MUC5AC: variants seen among roughly 807,000 people sequenced by gnomAD.
The protein encoded by MUC5AC is mucin 5AC, oligomeric mucus/gel-forming, also known as mucin-5AC.
Under a neutral mutation model 169.7 loss-of-function variants are expected in MUC5AC, and 158 were observed. That is an observed-to-expected ratio of 0.93 (90% CI 0.82 to 1.06). The LOEUF is 1.06. Ranked by LOEUF, MUC5AC falls within the 50% of genes least tolerant of loss-of-function variation. The pLI, the probability that MUC5AC is intolerant of heterozygous loss-of-function variation, is 0.00. For missense variants in MUC5AC, 4,359 were observed against 3,089.9 expected (o/e 1.41, Z -9.74); for synonymous variants, 1,975 against 1,237.0 (o/e 1.60, Z -12.52).
At position 1,193,643 on chromosome 11, in the gene MUC5AC, T is replaced by A. The variant is rs1366253733; in HGVS notation, c.14739T>A (p.His4913Gln). The A allele has an allele frequency of 1.3e-6, 1 of 764,918 alleles. No individual in the cohort carries two copies. Among genetic ancestry groups the A allele is most frequent in the South Asian group, 1.3e-5 (1 of 74,616 alleles). The allele number at this position is 764,918 out of a possible 1,614,324, so 47.4% of individuals were successfully genotyped here. ...TGGCTGACCAAGATGGCTGCTGCCATCACTACCAGTGCCAGTGTGAGTGGA... is the reference window on the plus strand; with the variant it reads ...TGGCTGACCAAGATGGCTGCTGCCAACACTACCAGTGCCAGTGTGAGTGGA... ...VKVADQDGCCHHYQCQCVCSG... is the reference protein window; with the variant it reads ...VKVADQDGCCQHYQCQCVCSG... Residue 4913 changes from histidine to glutamine, a missense_variant, in exon 33 of 49, where the codon CAT (histidine) becomes CAA (glutamine). His to Gln is a conservative substitution (Grantham distance 24, BLOSUM62 0). Coordinates refer to ENST00000621226, the MANE Select transcript of MUC5AC (RefSeq NM_001304359.2).
intron 2 of MUC5AC, among the ~76,000 whole-genome samples, chr11:1,161,234 T>C (rs1434942816): frequency 6.6e-6 from 1 of 152,196 alleles, no homozygotes; most frequent in African/African-American, 2.4e-5. Flanking sequence ...GAGCCGCTGA[T>C]GCAGACTCAG....
rs55884241 is a variant in MUC5AC at position 1,161,917 on chromosome 11, G to A, written c.222G>A (p.Pro74=). 5.0e-4 allele frequency: 804 copies of A among 1,611,502 alleles called. 8 individuals are homozygous for A. In the East Asian group the frequency reaches 0.015, roughly 29 times the overall value. The change falls in exon 4 of 49, where the codon CCG becomes CCA. Residue 74 remains proline, a synonymous_variant. Transcript: ENST00000621226. ...CTGCTTCCACCGCAGCCTCCAACCC[G>A]GCGCACAACGGGCGGGTGTGCAGCA... The part of the protein sequence containing the change: ...RTIPVVRASN[P]AHNGRVCSTW...
At position 1,161,563 on chromosome 11, in the gene MUC5AC, T is replaced by TGAG. The variant is rs531636684; in HGVS notation, c.191_193dup (p.Arg64dup). 6.8e-5 allele frequency: 110 copies of TGAG among 1,610,338 alleles called. 2 individuals are homozygous for TGAG. In the South Asian group the frequency reaches 1.1e-3, roughly 16 times the overall value. On this transcript the variant is annotated inframe_insertion, in exon 3 of 49. Transcript: ENST00000621226. ...CGTGGGGCGACTGTCTTCCCATCTC[T>TGAG]GAGGACCATCCCTGTGGTACGAGGT...
chr11:1,199,162 AAG>A lies in MUC5AC; in HGVS notation c.16375_16376del (p.Ser5459ProfsTer24). ...GGTCGCCTGTGTCACCAACACCAGC[AAG>A]AGCCCCGCCCACCTCTTCTACGTGA... ...VQVACVTNTS[K>X]SPAHLFYPGE... On this transcript the variant is annotated frameshift_variant, in exon 45 of 49. Coordinates refer to ENST00000621226, the MANE Select transcript of MUC5AC (RefSeq NM_001304359.2). LOFTEE classifies it high-confidence loss of function. 1 of 764,094 alleles carries A rather than the reference AAG, an allele frequency of 1.3e-6. No homozygotes were observed. The highest frequency in any genetic ancestry group is 1.3e-5 in the South Asian group (1 of 74,438). The allele number at this position is 764,094 out of a possible 1,614,324, so 47.3% of individuals were successfully genotyped here. A position where few individuals can be genotyped will look rare whatever the true frequency, so the allele number is the denominator to read the frequency against.
Position 1,187,104 on chromosome 11 carries a change from A to G in MUC5AC, c.8959A>G (p.Ser2987Gly). 2.7e-6 allele frequency: 2 copies of G among 733,082 alleles called. No homozygotes were observed. Among genetic ancestry groups the G allele is most frequent in the Non-Finnish European group, 5.0e-6 (2 of 402,450 alleles). The allele number at this position is 733,082 out of a possible 1,614,324, so 45.4% of individuals were successfully genotyped here. A position where few individuals can be genotyped will look rare whatever the true frequency, so the allele number is the denominator to read the frequency against. Residue 2987 changes from serine to glycine, a missense_variant, in exon 31 of 49, where the codon AGC becomes GGC. By Grantham distance (56) the Ser-to-Gly change is moderately conservative. Transcript: ENST00000621226. ...GTTPSPVPTT[S>G]TTSAPTTSTT... Reference sequence around the variant, plus strand: ...TACTCCCAGCCCTGTTCCCACCACCAGCACAACCTCTGCTCCCACAACAAG... The same window carrying G: ...TACTCCCAGCCCTGTTCCCACCACCGGCACAACCTCTGCTCCCACAACAAG...
chr11:1,175,432 G>C (rs1043003302), intron 19 of MUC5AC, among the ~76,000 whole-genome samples, 162 bp downstream of exon 19: 7 of 46,862 alleles, frequency 1.5e-4, no homozygotes, highest in Non-Finnish European at 2.0e-4. Flanking sequence ...AGGCAGCAAG[G>C]GGGAAGAAGG....
Position 1,164,231 on chromosome 11 carries a change from C to T in MUC5AC, c.915C>T (p.Ser305=). 5.6e-6 allele frequency: 9 copies of T among 1,612,672 alleles called. No individual in the cohort carries two copies. Among genetic ancestry groups the T allele is most frequent in the Non-Finnish European group, 7.6e-6 (9 of 1,179,874 alleles). The part of the protein sequence containing the change: ...LCFCEDTDLL[S]CVCHTLAEYS... ...TCTGTGAAGACACCGACCTGCTCAG[C>T]TGCGTCTGCCACACCCTTGCCGAGT... The change falls in exon 8 of 49, where the codon AGC becomes AGT. Residue 305 remains serine (S), a synonymous_variant. Coordinates refer to ENST00000621226, the MANE Select transcript of MUC5AC (RefSeq NM_001304359.2).
rs1012621074 is a variant in MUC5AC at position 1,194,751 on chromosome 11, G to A, written c.15190+81G>A. 48 of 660,068 alleles carry A rather than the reference G, an allele frequency of 7.3e-5. 2 individuals are homozygous for A. The highest frequency in any genetic ancestry group is 2.5e-4 in the Admixed American group (11 of 43,418). 40.9% of individuals were successfully genotyped at this position (660,068 alleles called of 1,614,324 possible). On this transcript the variant is annotated intron_variant, in intron 35 of 48. Coordinates refer to ENST00000621226, the MANE Select transcript of MUC5AC (RefSeq NM_001304359.2). ...GGCAGGGGCGAGGCCACCACGTGCC[G>A]CGTGTGCCGGTGTCTCTGCTTTCTG...
rs996845468 is a variant in MUC5AC at position 1,195,290 on chromosome 11, G to C, written c.15458+11G>C. 1 of 756,358 alleles carries C rather than the reference G, an allele frequency of 1.3e-6. No individual in the cohort carries two copies. The highest frequency in any genetic ancestry group is 1.7e-5 in the African/African-American group (1 of 58,960). 46.9% of individuals were successfully genotyped at this position (756,358 alleles called of 1,614,324 possible). A position where few individuals can be genotyped will look rare whatever the true frequency, so the allele number is the denominator to read the frequency against. ...GCTGATTCTGAGCAAGTGAGACTTG[G>C]GTGCAAGGGAGGGAGGGTCAGTGTG... is the stretch of plus-strand genomic sequence containing the variant. On this transcript the variant is annotated intron_variant, in intron 36 of 48. Coordinates refer to ENST00000621226, the MANE Select transcript of MUC5AC (RefSeq NM_001304359.2).
intron 3 of MUC5AC, 25 bp downstream of exon 3, chr11:1,161,611 TG>T: frequency 6.2e-7 from 1 of 1,602,856 alleles, no homozygotes; most frequent in Non-Finnish European, 8.5e-7. Context: ...GAGGCCTGGG[TG>T]GGGAAGGGTC....
intron 15 of MUC5AC, among the ~76,000 whole-genome samples, chr11:1,169,321 G>A (rs1219899996): frequency 6.6e-6 from 1 of 151,966 alleles, no homozygotes; most frequent in Non-Finnish European, 1.5e-5. Context: ...CGTGGGGAAT[G>A]GATTCACCCA....
intron 32 of MUC5AC, 99 bp from the exon 33 acceptor site, chr11:1,193,386 T>C (rs1217792324): frequency 1.3e-5 from 8 of 633,570 alleles, no homozygotes; most frequent in East Asian, 2.7e-5. Flanking sequence ...CACCCTCCCC[T>C]GTCCCCACAC....
chr11:1,185,788 C>A lies in MUC5AC; in HGVS notation c.7643C>A (p.Thr2548Lys). Reference protein sequence around the residue: ...TSTTSAPTTSTTSAPISSTTS... With the variant: ...TSTTSAPTTSKTSAPISSTTS... The stretch of plus-strand genomic sequence containing the variant: ...ACAACCTCTGCTCCTACAACCAGCA[C>A]AACCTCTGCCCCTATAAGCAGCACA... The change falls in exon 31 of 49, where the codon ACA becomes AAA. Residue 2548 changes from threonine to lysine, a missense_variant. Coordinates refer to ENST00000621226, the MANE Select transcript of MUC5AC (RefSeq NM_001304359.2). The A allele has an allele frequency of 1.3e-6, 1 of 741,280 alleles. No individual in the cohort carries two copies. Among genetic ancestry groups the A allele is most frequent in the Non-Finnish European group, 2.5e-6 (1 of 403,744 alleles). 45.9% of individuals were successfully genotyped at this position (741,280 alleles called of 1,614,324 possible).
chr11:1,165,489 A>G, intron 10 of MUC5AC, 70 bp downstream of exon 10: 2 of 1,581,664 alleles, frequency 1.3e-6, no homozygotes, highest in Non-Finnish European at 1.7e-6. Context: ...GTTGCAACCC[A>G]GGCCGGCAGG....
rs750667321 is a variant in MUC5AC at position 1,196,464 on chromosome 11, C to T, written c.15714C>T (p.Ser5238=). Reference sequence around the variant, plus strand: ...CCTCCTACTGCTACGGGAATGACAGCGCCAGCCTCGGGTAGGCACCCTCCC... The same window carrying T: ...CCTCCTACTGCTACGGGAATGACAGTGCCAGCCTCGGGTAGGCACCCTCCC... The part of the protein sequence containing the change: ...SNPSYCYGND[S]ASLGALPEAG... Residue 5238 remains serine (S), a synonymous_variant, in exon 38 of 49, where the codon AGC becomes AGT. Transcript: ENST00000621226. 22 of 765,042 alleles carry T rather than the reference C, an allele frequency of 2.9e-5. No individual in the cohort carries two copies. Among genetic ancestry groups the T allele is most frequent in the Middle Eastern group, 2.3e-4 (1 of 4,438 alleles). The allele number at this position is 765,042 out of a possible 1,614,324, so 47.4% of individuals were successfully genotyped here.
intron 15 of MUC5AC, among the ~76,000 whole-genome samples, chr11:1,170,979 CCCACTCACCTACT>C (rs1860500615): frequency 0.011 from 26 of 2,312 alleles, no homozygotes; most frequent in East Asian, 0.026. Flanking sequence ...ACCCATTCAC[CCCACTCACCTACT>C]CACTCACCCA....
At chr11:1,169,074 T>G (rs1860420086) in intron 15 of MUC5AC, 48 bp downstream of exon 15, 1 of 1,495,460 alleles carries the variant, frequency 6.7e-7, no homozygotes, top group Non-Finnish European at 8.9e-7. Context: ...TGGCGCTGGT[T>G]CACCCGCTTC....
chr11:1,184,362 C>G lies in MUC5AC; in HGVS notation c.6217C>G (p.Gln2073Glu), dbSNP rs1860881493. ...GCCGACTCCACATCCAACCGGAGCT[C>G]AGACCCAGACCACCTTCACCACACA... ...TRPTPHPTGA[Q>E]TQTTFTTHMP... The change falls in exon 31 of 49, where the codon CAG becomes GAG. Residue 2073 changes from glutamine (Q) to glutamate (E), a missense_variant. Gln to Glu is a conservative substitution (Grantham distance 29, BLOSUM62 2). Coordinates refer to ENST00000621226, the MANE Select transcript of MUC5AC (RefSeq NM_001304359.2). 1 of 491,464 alleles carries G rather than the reference C, an allele frequency of 2.0e-6. No homozygotes were observed. The highest frequency in any genetic ancestry group is 3.6e-6 in the Non-Finnish European group (1 of 280,236). The allele number at this position is 491,464 out of a possible 1,614,324, so 30.4% of individuals were successfully genotyped here.
In MUC5AC at chr11:1,158,086, C is replaced by G; in HGVS notation, c.73+14C>G. ...CCCGGCATACAGGTACGGCTTGGCC[C>G]CTGGCCGCTCTACTGGTCCTGGGTG... On this transcript the variant is annotated intron_variant, in intron 1 of 48. Coordinates refer to ENST00000621226, the MANE Select transcript of MUC5AC (RefSeq NM_001304359.2). The G allele has an allele frequency of 6.3e-7, 1 of 1,590,630 alleles. No individual in the cohort carries two copies. Among genetic ancestry groups the G allele is most frequent in the Non-Finnish European group, 8.5e-7 (1 of 1,171,240 alleles).
Sources: allele counts gnomAD v4.1 joint callset (sites outside exome capture counted in the v4.1 genomes callset), GRCh38; gene constraint gnomAD v4.1.1; transcripts MANE v1.5; gene names NCBI Gene and HGNC (gene_info 2026-07-23, HGNC 2026-07-21).